KCNB2: variants seen among roughly 807,000 people sequenced by gnomAD.
KCNB2 encodes potassium voltage-gated channel subfamily B member 2, also known as delayed rectifier potassium channel protein.
Under a neutral mutation model 61.5 loss-of-function variants are expected in KCNB2, and 15 were observed. That is an observed-to-expected ratio of 0.24 (90% CI 0.16 to 0.38). The LOEUF is 0.38. Ranked by LOEUF, KCNB2 falls within the 10% of genes least tolerant of loss-of-function variation. The pLI, the probability that KCNB2 is intolerant of heterozygous loss-of-function variation, is 1.00. For missense variants in KCNB2, 828 were observed against 1,125.2 expected (o/e 0.74, Z 3.78); for synonymous variants, 457 against 446.0 (o/e 1.02, Z -0.31).
intron 2 of KCNB2, among the ~76,000 whole-genome samples, chr8:72,663,263 G>T (rs1368371487): frequency 2.0e-5 from 3 of 152,182 alleles, no homozygotes; most frequent in Admixed American, 1.3e-4. Context: ...AGACATGGAA[G>T]ACTGAAAGTG....
intron 2 of KCNB2, among the ~76,000 whole-genome samples, chr8:72,766,008 T>C (rs1293953534): frequency 6.6e-6 from 1 of 152,232 alleles, no homozygotes; most frequent in Admixed American, 6.5e-5. Flanking sequence ...ATGCTGCTTC[T>C]CAAAGAATGG....
At chr8:72,610,864 T>G (rs1394378285) in intron 2 of KCNB2, among the ~76,000 whole-genome samples, 1 of 152,192 alleles carries the variant, frequency 6.6e-6, no homozygotes, top group Non-Finnish European at 1.5e-5. Flanking sequence ...CTTATCTCAC[T>G]GAAGGGGTAA....
intron 2 of KCNB2, among the ~76,000 whole-genome samples, chr8:72,569,735 T>C (rs779044298): frequency 9.9e-5 from 15 of 152,154 alleles, no homozygotes; most frequent in Admixed American, 7.9e-4. Context: ...ACAAAAAATA[T>C]GGAGTGAATT....
chr8:72,622,967 A>C (rs997128432), intron 2 of KCNB2, among the ~76,000 whole-genome samples: 1 of 152,120 alleles, frequency 6.6e-6, no homozygotes, highest in Non-Finnish European at 1.5e-5. Context: ...CTTGAGCTCA[A>C]ATTTCTCTAT....
At chr8:72,681,599 C>T (rs532293572) in intron 2 of KCNB2, among the ~76,000 whole-genome samples, 1 of 152,018 alleles carries the variant, frequency 6.6e-6, no homozygotes, top group Non-Finnish European at 1.5e-5. Flanking sequence ...GTAGATGTAC[C>T]CTCTATAAAA....
intron 2 of KCNB2, among the ~76,000 whole-genome samples, chr8:72,616,849 C>A (rs189040686): frequency 2.8e-4 from 42 of 152,246 alleles, no homozygotes; most frequent in Non-Finnish European, 5.1e-4. Context: ...ATAATAGGCA[C>A]AGTTTTCTCA....
intron 2 of KCNB2, among the ~76,000 whole-genome samples, chr8:72,700,111 C>G (rs1297798966): frequency 6.6e-6 from 1 of 152,030 alleles, no homozygotes; most frequent in Non-Finnish European, 1.5e-5. Context: ...AACCAAACAC[C>G]ACATGTTCTC....
At chr8:72,592,101 A>C (rs1461763961) in intron 2 of KCNB2, among the ~76,000 whole-genome samples, 2 of 152,172 alleles carry the variant, frequency 1.3e-5, no homozygotes, top group South Asian at 2.1e-4. Flanking sequence ...CTTGTGAGCC[A>C]AATTGAAAGA....
chr8:72,841,372 C>CTTTTTTTTTTTTTTTT (rs769263287), intron 2 of KCNB2, among the ~76,000 whole-genome samples: 70 of 34,212 alleles, frequency 2.0e-3, no homozygotes, highest in East Asian at 0.01. Context: ...TTTTTTTTTT[C>CTTTTTTTTTTTTTTTT]TTTTTTTTTT....
chr8:72,725,490 T>C (rs1484983850), intron 2 of KCNB2, among the ~76,000 whole-genome samples: 2 of 146,788 alleles, frequency 1.4e-5, no homozygotes, highest in Non-Finnish European at 3.0e-5. Flanking sequence ...CTGGCATATT[T>C]GGCTTGCTTT....
intron 2 of KCNB2, among the ~76,000 whole-genome samples, chr8:72,631,133 A>G (rs1264503881): frequency 6.6e-6 from 1 of 152,144 alleles, no homozygotes; most frequent in African/African-American, 2.4e-5. Context: ...GTGAATATGG[A>G]CTCTTCCTCT....
At chr8:72,541,638 G>A (rs1806189015) in intron 1 of KCNB2, among the ~76,000 whole-genome samples, 1 of 151,954 alleles carries the variant, frequency 6.6e-6, no homozygotes, top group African/African-American at 2.4e-5. Flanking sequence ...GCTTGAAAAA[G>A]GCCAAAAGTA....
At chr8:72,782,862 T>G (rs888748063) in intron 2 of KCNB2, among the ~76,000 whole-genome samples, 1 of 152,210 alleles carries the variant, frequency 6.6e-6, no homozygotes, top group African/African-American at 2.4e-5. Flanking sequence ...TTTTTCTTTT[T>G]CTTTTTCTGC....
At chr8:72,657,749 C>A (rs1438413253) in intron 2 of KCNB2, among the ~76,000 whole-genome samples, 1 of 151,970 alleles carries the variant, frequency 6.6e-6, no homozygotes. Context: ...AGGAGAGACT[C>A]GTTAAATAGT....
intron 2 of KCNB2, among the ~76,000 whole-genome samples, chr8:72,674,094 G>A (rs961883328): frequency 6.6e-6 from 1 of 152,200 alleles, no homozygotes; most frequent in African/African-American, 2.4e-5. Flanking sequence ...GGAAGAGCCA[G>A]CATGATGTGG....
At chr8:72,693,177 G>A (rs1806965947) in intron 2 of KCNB2, among the ~76,000 whole-genome samples, 2 of 152,124 alleles carry the variant, frequency 1.3e-5, no homozygotes, top group African/African-American at 4.8e-5. Flanking sequence ...CTGCGGGCCA[G>A]TTTGCAGTTA....
chr8:72,757,630 A>G (rs1310903799), intron 2 of KCNB2, among the ~76,000 whole-genome samples: 1 of 151,972 alleles, frequency 6.6e-6, no homozygotes, highest in African/African-American at 2.4e-5. Context: ...CCTTTGTTTT[A>G]TTTATTTTAT....
At chr8:72,928,439 G>A (rs146244375) in intron 2 of KCNB2, among the ~76,000 whole-genome samples, 17 of 151,914 alleles carry the variant, frequency 1.1e-4, no homozygotes, top group African/African-American at 3.6e-4. Context: ...CAAGTGATCC[G>A]TGCGCCTTGG....
At chr8:72,848,415 CA>C (rs1810037373) in intron 2 of KCNB2, among the ~76,000 whole-genome samples, 1 of 151,860 alleles carries the variant, frequency 6.6e-6, no homozygotes. Flanking sequence ...TGTTTTGTTT[CA>C]ATTTATTATT....
Sources: gnomAD v4.1 joint callset for allele counts (sites outside exome capture counted in the v4.1 genomes callset) on GRCh38, gnomAD v4.1.1 for gene constraint, MANE v1.5 for transcripts, NCBI Gene and HGNC (gene_info 2026-07-23, HGNC 2026-07-21) for gene names.